The following ITPK1 variants were observed in gnomAD, a reference collection of about 807,000 sequenced individuals.
ITPK1 encodes inositol-tetrakisphosphate 1-kinase, also known as inositol 1,3,4-trisphosphate 5/6-kinase.
Under a neutral mutation model 45.3 loss-of-function variants are expected in ITPK1, and 21 were observed. The observed-to-expected ratio is 0.46, with a 90% CI of 0.33 to 0.67. The LOEUF (loss-of-function observed/expected upper bound fraction) is 0.67. Ranked by LOEUF, ITPK1 falls within the 30% of genes least tolerant of loss-of-function variation. The probability of loss-of-function intolerance (pLI) is 0.02; values close to 1 mark genes in which losing one functional copy is unlikely to be tolerated. For missense variants in ITPK1, 474 were observed against 573.5 expected (o/e 0.83, Z 1.77); for synonymous variants, 258 against 253.6 (o/e 1.02, Z -0.16).
intron 5 of ITPK1, among the ~76,000 whole-genome samples, chr14:92,990,501 T>A (rs756417891): frequency 6.6e-6 from 1 of 152,232 alleles, no homozygotes; most frequent in East Asian, 1.9e-4. Context: ...GGTCTGCTGT[T>A]AAAGCAACTT....
At chr14:93,013,640 G>T (rs1165921790) in intron 4 of ITPK1, among the ~76,000 whole-genome samples, 1 of 152,226 alleles carries the variant, frequency 6.6e-6, no homozygotes, top group Non-Finnish European at 1.5e-5. Flanking sequence ...AAAGCATCTT[G>T]CCTCGGTTTC....
chr14:93,064,477 A>G (rs1239452838), intron 3 of ITPK1, among the ~76,000 whole-genome samples: 1 of 151,964 alleles, frequency 6.6e-6, no homozygotes, highest in Non-Finnish European at 1.5e-5. Context: ...CCCCCAGGAC[A>G]CCTGATCAAA....
At chr14:92,969,090 G>A (rs1239978865) in intron 5 of ITPK1, among the ~76,000 whole-genome samples, 1 of 152,138 alleles carries the variant, frequency 6.6e-6, no homozygotes, top group African/African-American at 2.4e-5. Flanking sequence ...CCCATGAAGT[G>A]AGAGTAAATA....
intron 8 of ITPK1, among the ~76,000 whole-genome samples, chr14:92,952,294 G>A (rs1887994015): frequency 6.6e-6 from 1 of 152,194 alleles, no homozygotes; most frequent in Non-Finnish European, 1.5e-5. Flanking sequence ...CTGAGGCCCT[G>A]TTCCCAAAGT....
chr14:93,065,701 T>C (rs577500018), intron 3 of ITPK1, among the ~76,000 whole-genome samples: 1 of 152,246 alleles, frequency 6.6e-6, no homozygotes, highest in South Asian at 2.1e-4. Context: ...TGAAACAGCC[T>C]GAGATGTGAC....
rs1242766042 is a variant in ITPK1 at position 92,946,233 on chromosome 14, GCTGGCTTTCTGGCCTCAGTCAC to G, written c.901+76_901+97del. 59 of 1,402,460 alleles carry G rather than the reference GCTGGCTTTCTGGCCTCAGTCAC, an allele frequency of 4.2e-5. No homozygotes were observed. The East Asian group carries it at 1.4e-3, about 32-fold the overall frequency. 86.9% of individuals were successfully genotyped at this position (1,402,460 alleles called of 1,614,324 possible). ...CCCGGACCTCGTGGTGAGGGAGAAA[GCTGGCTTTCTGGCCTCAGTCAC>G]CCCGCCTCACCTGCCTGGTCACCTG... On this transcript the variant is annotated intron_variant, in intron 10 of 10. Coordinates refer to ENST00000267615, the MANE Select transcript of ITPK1 (RefSeq NM_014216.6).
intron 3 of ITPK1, among the ~76,000 whole-genome samples, chr14:93,052,686 T>C (rs540263774): frequency 2.0e-5 from 3 of 152,202 alleles, no homozygotes; most frequent in African/African-American, 7.2e-5. Context: ...ATATTCAATA[T>C]AATACCTGCC....
intron 5 of ITPK1, among the ~76,000 whole-genome samples, chr14:92,985,421 T>C (rs1886444729): frequency 1.3e-5 from 2 of 152,082 alleles, no homozygotes; most frequent in South Asian, 2.1e-4. Flanking sequence ...GAACTCTGTG[T>C]ACTATCTTTG....
At chr14:93,013,675 C>T (rs995012749) in intron 4 of ITPK1, among the ~76,000 whole-genome samples, 8 of 152,244 alleles carry the variant, frequency 5.3e-5, no homozygotes, top group African/African-American at 1.9e-4. Context: ...AATGGGAGGA[C>T]CCCAGCTCTG....
At chr14:93,086,156 G>T (rs963576270) in intron 2 of ITPK1, among the ~76,000 whole-genome samples, 1 of 152,194 alleles carries the variant, frequency 6.6e-6, no homozygotes, top group Non-Finnish European at 1.5e-5. Flanking sequence ...CCCTCCCTTG[G>T]ACTCACTGGG....
At position 92,941,192 on chromosome 14, in the gene ITPK1, T is replaced by G; in HGVS notation, c.*369A>C. ...GGCAGGCTTCCCCCAAGGGTCCCGG[T>G]CCACAGTGGCCATGGAGACCAACAG... On this transcript the variant is annotated 3_prime_UTR_variant, in exon 11 of 11. Coordinates refer to ENST00000267615, the MANE Select transcript of ITPK1 (RefSeq NM_014216.6). 8.0e-7 allele frequency: 1 copy of G among 1,253,426 alleles called. No individual in the cohort carries two copies. The highest frequency in any genetic ancestry group is 3.7e-5 in the Admixed American group (1 of 27,302). 77.6% of individuals were successfully genotyped at this position (1,253,426 alleles called of 1,614,324 possible).
At chr14:93,081,924 G>A (rs1037272954) in intron 2 of ITPK1, among the ~76,000 whole-genome samples, 20 of 152,186 alleles carry the variant, frequency 1.3e-4, no homozygotes, top group Admixed American at 2.0e-4. Flanking sequence ...CCACTGGAGC[G>A]TGTCAAAAAT....
intron 5 of ITPK1, among the ~76,000 whole-genome samples, chr14:92,980,771 G>A (rs993488697): frequency 6.6e-6 from 1 of 152,112 alleles, no homozygotes; most frequent in Admixed American, 6.5e-5. Flanking sequence ...CGCCTCCCAG[G>A]TTCAAGCAAT....
At chr14:93,029,743 C>A (rs1179002377) in intron 3 of ITPK1, among the ~76,000 whole-genome samples, 1 of 152,204 alleles carries the variant, frequency 6.6e-6, no homozygotes, top group Non-Finnish European at 1.5e-5. Flanking sequence ...CCCAAGCAGG[C>A]CATGAGCATC....
Position 92,972,883 on chromosome 14 carries a change from G to A in ITPK1, c.365-10034C>T, listed in dbSNP as rs12589893. ...TGGGATTACAGGCATGAGCCACCGCGCCCAACTCTTCTCTGACCGCACAAC... is the reference window on the plus strand; with the variant it reads ...TGGGATTACAGGCATGAGCCACCGCACCCAACTCTTCTCTGACCGCACAAC... On this transcript the variant is annotated intron_variant, in intron 5 of 10. Coordinates refer to ENST00000267615, the MANE Select transcript of ITPK1 (RefSeq NM_014216.6). Among the ~76,000 whole-genome samples, 597 of 152,288 alleles carry A rather than the reference G, an allele frequency of 3.9e-3. 26 individuals are homozygous for A. In the East Asian group the frequency reaches 0.096, roughly 24 times the overall value.
At chr14:93,099,731 T>C (rs376667571) in intron 2 of ITPK1, among the ~76,000 whole-genome samples, 68 of 152,216 alleles carry the variant, frequency 4.5e-4, no homozygotes, top group African/African-American at 1.6e-3. Flanking sequence ...CAGCCTCCCT[T>C]CCGGAGCTTC....
chr14:92,986,096 A>G (rs1886473017), intron 5 of ITPK1, among the ~76,000 whole-genome samples: 1 of 152,168 alleles, frequency 6.6e-6, no homozygotes, highest in Non-Finnish European at 1.5e-5. Context: ...AAAGGTGCTG[A>G]GTGGTCCTGG....
intron 8 of ITPK1, among the ~76,000 whole-genome samples, chr14:92,952,485 C>T (rs576300698): frequency 2.3e-4 from 35 of 152,014 alleles, no homozygotes; most frequent in African/African-American, 7.9e-4. Context: ...AGGCTGGCAC[C>T]GGCACGTGAG....
At chr14:93,061,761 A>G (rs1340127533) in intron 3 of ITPK1, among the ~76,000 whole-genome samples, 1 of 152,244 alleles carries the variant, frequency 6.6e-6, no homozygotes, top group African/African-American at 2.4e-5. Flanking sequence ...CCCAAACAGT[A>G]TCAAAAGTGG....
Sources: allele counts gnomAD v4.1 joint callset (sites outside exome capture counted in the v4.1 genomes callset), GRCh38; gene constraint gnomAD v4.1.1; transcripts MANE v1.5; gene names NCBI Gene and HGNC (gene_info 2026-07-23, HGNC 2026-07-21).